SLC24A2: variants seen among roughly 807,000 people sequenced by gnomAD.
SLC24A2 encodes the protein sodium/potassium/calcium exchanger 2.
SLC24A2 carries 36 observed loss-of-function variants against 62.0 expected under a neutral mutation model. The observed-to-expected ratio is 0.58, with a 90% CI of 0.44 to 0.77. The LOEUF is 0.77. Ranked by LOEUF, SLC24A2 falls within the 30% of genes least tolerant of loss-of-function variation. SLC24A2 has a pLI of 0.00. For synonymous variants in SLC24A2, 358 were observed against 294.0 expected, an observed-to-expected ratio of 1.22 and a Z score of -2.23; for missense variants, 846 against 817.9, an observed-to-expected ratio of 1.03 and a Z score of -0.42.
the SLC24A2 span, among the ~76,000 whole-genome samples, chr9:20,088,907 T>C: frequency 6.6e-6 from 1 of 152,048 alleles, no homozygotes; most frequent in East Asian, 1.9e-4. Flanking sequence ...TACCTTCAGG[T>C]ACTGGAAAAT....
chr9:19,714,161 T>A (rs543269629), intron 2 of SLC24A2, among the ~76,000 whole-genome samples: 62 of 152,378 alleles, frequency 4.1e-4, no homozygotes, highest in Middle Eastern at 3.4e-3. Context: ...CTGCTATCCT[T>A]TTTAATAATA....
the SLC24A2 span, among the ~76,000 whole-genome samples, chr9:19,854,895 A>C: frequency 6.6e-6 from 1 of 152,112 alleles, no homozygotes; most frequent in African/African-American, 2.4e-5. Context: ...TGGGGTGTTA[A>C]AGTCTCCCAC....
intron 2 of SLC24A2, among the ~76,000 whole-genome samples, chr9:19,731,886 G>C (rs547609840): frequency 1.3e-5 from 2 of 152,284 alleles, no homozygotes; most frequent in African/African-American, 4.8e-5. Context: ...TTGCCTGGCA[G>C]CGTAACCTAT....
the SLC24A2 span, among the ~76,000 whole-genome samples, chr9:20,180,981 G>C: frequency 1.3e-5 from 2 of 152,034 alleles, no homozygotes; most frequent in Non-Finnish European, 2.9e-5. Context: ...CTCCTCTTTG[G>C]CAGCTCTCTT....
the SLC24A2 span, among the ~76,000 whole-genome samples, chr9:19,919,611 G>C: frequency 3.9e-5 from 6 of 152,106 alleles, no homozygotes; most frequent in Non-Finnish European, 8.8e-5. Flanking sequence ...TTCTCACAGT[G>C]CTATGAAGAA....
chr9:19,741,060 T>A (rs1415456254), intron 2 of SLC24A2, among the ~76,000 whole-genome samples: 1 of 152,174 alleles, frequency 6.6e-6, no homozygotes, highest in African/African-American at 2.4e-5. Flanking sequence ...CCTCTGTATG[T>A]CCTTCCTGGC....
At chr9:19,638,465 T>G (rs555928129) in intron 2 of SLC24A2, among the ~76,000 whole-genome samples, 1 of 152,338 alleles carries the variant, frequency 6.6e-6, no homozygotes, top group East Asian at 1.9e-4. Context: ...AACTAAGCAT[T>G]TAAACAACCT....
chr9:20,219,668 G>C, the SLC24A2 span, among the ~76,000 whole-genome samples: 1,010 of 152,242 alleles, frequency 6.6e-3, 9 homozygotes, highest in African/African-American at 0.022. Context: ...AATTAACTCA[G>C]AACACTTGTA....
chr9:20,109,421 T>C, the SLC24A2 span, among the ~76,000 whole-genome samples: 1 of 152,332 alleles, frequency 6.6e-6, no homozygotes, highest in East Asian at 1.9e-4. Flanking sequence ...GAGTGGTTCA[T>C]TGTGCCTAAA....
chr9:20,182,481 T>A, the SLC24A2 span, among the ~76,000 whole-genome samples: 1 of 152,348 alleles, frequency 6.6e-6, no homozygotes, highest in South Asian at 2.1e-4. Flanking sequence ...TCATGTCCTT[T>A]GCAGGAACAT....
At chr9:19,605,669 A>G (rs1836964293) in intron 4 of SLC24A2, among the ~76,000 whole-genome samples, 2 of 152,232 alleles carry the variant, frequency 1.3e-5, no homozygotes, top group African/African-American at 4.8e-5. Context: ...TAAAATTTTG[A>G]TGGCTGCAAG....
chr9:20,237,477 A>G, the SLC24A2 span, among the ~76,000 whole-genome samples: 1 of 152,134 alleles, frequency 6.6e-6, no homozygotes, highest in South Asian at 2.1e-4. Flanking sequence ...ACCTCTCTCA[A>G]AGCTGTTCCT....
the SLC24A2 span, among the ~76,000 whole-genome samples, chr9:20,181,406 C>A: frequency 6.6e-6 from 1 of 152,062 alleles, no homozygotes; most frequent in Admixed American, 6.6e-5. Flanking sequence ...TTACAGTCAC[C>A]AAAACGGCAT....
intron 7 of SLC24A2, among the ~76,000 whole-genome samples, chr9:19,569,555 C>A (rs1042158634): frequency 6.6e-6 from 1 of 152,276 alleles, no homozygotes; most frequent in Non-Finnish European, 1.5e-5. Context: ...CAGTACGTGT[C>A]ATCATCAGCT....
At chr9:19,774,271 C>T (rs1434731206) in intron 2 of SLC24A2, among the ~76,000 whole-genome samples, 1 of 152,096 alleles carries the variant, frequency 6.6e-6, no homozygotes, top group African/African-American at 2.4e-5. Flanking sequence ...TCATACCCTC[C>T]CTATGAGGAA....
chr9:19,548,930 G>A (rs3780217), intron 8 of SLC24A2, among the ~76,000 whole-genome samples: 6,779 of 152,252 alleles, frequency 0.045, 402 homozygotes, highest in African/African-American at 0.14. Flanking sequence ...ATACAGTTTT[G>A]TTGAATGAGT....
the SLC24A2 span, among the ~76,000 whole-genome samples, chr9:19,900,321 A>C: frequency 6.6e-6 from 1 of 152,216 alleles, no homozygotes; most frequent in Non-Finnish European, 1.5e-5. Context: ...ACTGCGGAAA[A>C]TTACCCAAAT....
chr9:20,075,681 G>T, the SLC24A2 span, among the ~76,000 whole-genome samples: 1 of 110,584 alleles, frequency 9.0e-6, no homozygotes. Flanking sequence ...ATTCTCCCAT[G>T]GCTTGCTTGA....
chr9:20,103,770 G>A, the SLC24A2 span, among the ~76,000 whole-genome samples: 8 of 151,924 alleles, frequency 5.3e-5, no homozygotes, highest in African/African-American at 1.9e-4. Context: ...AGAAAAACTG[G>A]AAACTCTAAA....
Sources: gnomAD v4.1 joint callset for allele counts (sites outside exome capture counted in the v4.1 genomes callset) on GRCh38, gnomAD v4.1.1 for gene constraint, MANE v1.5 for transcripts, NCBI Gene and HGNC (gene_info 2026-07-23, HGNC 2026-07-21) for gene names.